SIPA1L3: variants seen among roughly 807,000 people sequenced by gnomAD.
The protein encoded by SIPA1L3 is signal-induced proliferation-associated 1-like protein 3.
SIPA1L3 carries 59 observed loss-of-function variants against 150.1 expected under a neutral mutation model. That is an observed-to-expected ratio of 0.39 (90% CI 0.32 to 0.49). The LOEUF (loss-of-function observed/expected upper bound fraction) is 0.49. Ranked by LOEUF, SIPA1L3 falls within the 20% of genes least tolerant of loss-of-function variation. The pLI is 0.86. For missense variants in SIPA1L3, 2,211 were observed against 2,489.5 expected (o/e 0.89, Z 2.38); for synonymous variants, 1,070 against 1,077.6 (o/e 0.99, Z 0.14).
At chr19:37,924,159 CT>C (rs1470357350) in intron 1 of SIPA1L3, among the ~76,000 whole-genome samples, 2 of 152,084 alleles carry the variant, frequency 1.3e-5, no homozygotes, top group Admixed American at 1.3e-4. Context: ...ATTCTGTAAG[CT>C]TTTTTTCTAT....
At chr19:38,125,670 G>T (rs1010150213) in intron 9 of SIPA1L3, among the ~76,000 whole-genome samples, 3 of 152,118 alleles carry the variant, frequency 2.0e-5, no homozygotes, top group East Asian at 1.9e-4. Flanking sequence ...CTCTCTCTTT[G>T]TGAAGCACCC....
chr19:38,061,261 G>A (rs576155577), intron 2 of SIPA1L3, among the ~76,000 whole-genome samples: 5 of 150,932 alleles, frequency 3.3e-5, no homozygotes, highest in Non-Finnish European at 7.4e-5. Context: ...ATGGGGTCTC[G>A]CTATGTTGCC....
In SIPA1L3 at chr19:38,206,963, G is replaced by C. The variant is rs574419443; in HGVS notation, c.*723G>C. On this transcript the variant is annotated 3_prime_UTR_variant, in exon 22 of 22. Transcript: ENST00000222345. ...TTTGGATCTCCAGGACGGTTTATAC[G>C]ATCTTTTTCTATCAGCTCCTCTTCC... The C allele has an allele frequency of 6.6e-6, 1 of 152,348 alleles. No individual in the cohort carries two copies. Among genetic ancestry groups the C allele is most frequent in the South Asian group, 2.1e-4 (1 of 4,824 alleles). The allele number at this position is 152,348 out of a possible 1,614,324, so 9.4% of individuals were successfully genotyped here.
At chr19:38,004,176 A>G (rs1050209748) in intron 1 of SIPA1L3, among the ~76,000 whole-genome samples, 8 of 152,212 alleles carry the variant, frequency 5.3e-5, no homozygotes, top group Admixed American at 1.3e-4. Context: ...AGTGTATATA[A>G]TTATCCCCAT....
intron 10 of SIPA1L3, among the ~76,000 whole-genome samples, chr19:38,137,553 T>C (rs1203927421): frequency 1.3e-5 from 2 of 151,908 alleles, no homozygotes; most frequent in Admixed American, 1.3e-4. Flanking sequence ...CTCTCGTCTG[T>C]TCCTCCCAAA....
At position 38,132,279 on chromosome 19, in the gene SIPA1L3, G is replaced by A. The variant is rs574179288; in HGVS notation, c.3143+1507G>A. 2.0e-5 allele frequency among the ~76,000 whole-genome samples: 3 copies of A among 150,738 alleles called. No individual in the cohort carries two copies. The East Asian group carries it at 6.0e-4, about 30-fold the overall frequency. ...GTTGTTCATCAGAATTCTCCTATTG[G>A]CCGGGTGTGGTGGCTCACACCTGTA... is the stretch of plus-strand genomic sequence containing the variant. On this transcript the variant is annotated intron_variant, in intron 10 of 21. Coordinates refer to ENST00000222345, the MANE Select transcript of SIPA1L3 (RefSeq NM_015073.3).
At chr19:38,083,165 T>C (rs1195333702) in intron 3 of SIPA1L3, 66 bp downstream of exon 3, 34 of 1,411,032 alleles carry the variant, frequency 2.4e-5, no homozygotes, top group Non-Finnish European at 3.0e-5. Context: ...CCCCCACTAC[T>C]CATTCATTCA....
chr19:38,013,259 G>A (rs929015186), intron 1 of SIPA1L3, among the ~76,000 whole-genome samples: 1 of 152,180 alleles, frequency 6.6e-6, no homozygotes, highest in Non-Finnish European at 1.5e-5. Flanking sequence ...GAAGGTAAAA[G>A]TTGACACATT....
intron 12 of SIPA1L3, among the ~76,000 whole-genome samples, chr19:38,151,571 A>C (rs1466269866): frequency 6.6e-6 from 1 of 152,074 alleles, no homozygotes; most frequent in Non-Finnish European, 1.5e-5. Flanking sequence ...CTCTGAACCA[A>C]CCTCAGACAG....
intron 1 of SIPA1L3, among the ~76,000 whole-genome samples, chr19:38,009,310 G>A (rs573361319): frequency 6.6e-6 from 1 of 152,072 alleles, no homozygotes; most frequent in South Asian, 2.1e-4. Flanking sequence ...GAGCCACCGC[G>A]CCCAGCCCTA....
At chr19:38,011,899 A>T (rs1434716884) in intron 1 of SIPA1L3, among the ~76,000 whole-genome samples, 1 of 151,952 alleles carries the variant, frequency 6.6e-6, no homozygotes, top group African/African-American at 2.4e-5. Context: ...AAAGGAAATG[A>T]ATTCAGGATG....
chr19:37,946,614 A>G (rs2046714331), intron 1 of SIPA1L3, among the ~76,000 whole-genome samples: 1 of 152,018 alleles, frequency 6.6e-6, no homozygotes, highest in African/African-American at 2.4e-5. Flanking sequence ...TTTGTGGAAG[A>G]TTTCTTTACA....
intron 19 of SIPA1L3, 25 bp from the exon 20 acceptor site, chr19:38,201,836 CT>C (rs375485207): frequency 6.3e-6 from 10 of 1,582,832 alleles, no homozygotes; most frequent in African/African-American, 2.7e-5. Flanking sequence ...TTGCTGACCC[CT>C]CTCCTCCTCC....
intron 8 of SIPA1L3, among the ~76,000 whole-genome samples, chr19:38,114,567 A>G (rs1380727720): frequency 1.3e-5 from 2 of 152,234 alleles, no homozygotes; most frequent in Non-Finnish European, 2.9e-5. Context: ...CATGTCCACA[A>G]GATTTCCCAC....
chr19:38,116,457 A>C (rs903682335), intron 8 of SIPA1L3, among the ~76,000 whole-genome samples: 8 of 144,088 alleles, frequency 5.6e-5, no homozygotes, highest in African/African-American at 2.1e-4. Flanking sequence ...CAGGAGGCAG[A>C]GGTTGCAGTG....
chr19:37,941,108 A>ACACACC (rs1555767566), intron 1 of SIPA1L3, among the ~76,000 whole-genome samples: 68 of 150,544 alleles, frequency 4.5e-4, no homozygotes, highest in African/African-American at 1.7e-3. Context: ...ACACACACAC[A>ACACACC]CACACACACA....
chr19:38,009,274 TC>T (rs1464779935), intron 1 of SIPA1L3, among the ~76,000 whole-genome samples: 2 of 152,062 alleles, frequency 1.3e-5, no homozygotes, highest in Admixed American at 6.6e-5. Flanking sequence ...CGCCTTGGCC[TC>T]CCGAAGTGCT....
intron 6 of SIPA1L3, among the ~76,000 whole-genome samples, chr19:38,105,106 C>T (rs1421957662): frequency 6.6e-6 from 1 of 151,762 alleles, no homozygotes; most frequent in Non-Finnish European, 1.5e-5. Flanking sequence ...GCCTGTAATC[C>T]CAGCACTTTG....
At chr19:38,079,158 C>T (rs1406032098) in intron 2 of SIPA1L3, among the ~76,000 whole-genome samples, 1 of 152,206 alleles carries the variant, frequency 6.6e-6, no homozygotes, top group Non-Finnish European at 1.5e-5. Context: ...CGGTGAAACC[C>T]TGTCTCTACT....
Sources: allele counts gnomAD v4.1 joint callset (sites outside exome capture counted in the v4.1 genomes callset), GRCh38; gene constraint gnomAD v4.1.1; transcripts MANE v1.5; gene names NCBI Gene and HGNC (gene_info 2026-07-23, HGNC 2026-07-21).